NRDE2: variants seen among roughly 807,000 people sequenced by gnomAD.
NRDE2 encodes NRDE-2, necessary for RNA interference, domain containing, also known as nuclear exosome regulator NRDE2.
Under a neutral mutation model 124.2 loss-of-function variants are expected in NRDE2, and 76 were observed. The observed-to-expected ratio is 0.61, with a 90% CI of 0.51 to 0.74. NRDE2 has a LOEUF of 0.74. NRDE2 is among the 30% of genes least tolerant of loss of function. NRDE2 has a pLI of 0.00. For missense variants in NRDE2, 1,314 were observed against 1,417.3 expected, an observed-to-expected ratio of 0.93 and a Z score of 1.17; for synonymous variants, 489 against 528.1, an observed-to-expected ratio of 0.93 and a Z score of 1.01.
At chr14:90,285,429 G>A (rs1390277419) in intron 12 of NRDE2, among the ~76,000 whole-genome samples, 3 of 151,116 alleles carry the variant, frequency 2.0e-5, no homozygotes, top group Non-Finnish European at 2.9e-5. Flanking sequence ...AGCCTCCCAG[G>A]TGGCTGGGAT....
chr14:90,294,536 A>G (rs1479801268), intron 8 of NRDE2, among the ~76,000 whole-genome samples: 1 of 152,228 alleles, frequency 6.6e-6, no homozygotes, highest in Admixed American at 6.5e-5. Flanking sequence ...CTGGCGTGAC[A>G]TGGATGAACC....
chr14:90,290,690 T>A, intron 9 of NRDE2, 83 bp from the exon 10 acceptor site: 1 of 1,384,076 alleles, frequency 7.2e-7, no homozygotes, highest in South Asian at 1.4e-5. Context: ...ATGCATGTAC[T>A]AATGGTTCAA....
chr14:90,297,580 A>G (rs957928335), intron 8 of NRDE2, among the ~76,000 whole-genome samples: 2 of 152,184 alleles, frequency 1.3e-5, no homozygotes, highest in Non-Finnish European at 2.9e-5. Context: ...GGTATTTTTC[A>G]AAGTATCTGT....
At chr14:90,296,820 T>C (rs1451334942) in intron 8 of NRDE2, among the ~76,000 whole-genome samples, 1 of 152,168 alleles carries the variant, frequency 6.6e-6, no homozygotes, top group Admixed American at 6.5e-5. Flanking sequence ...TCACCATTAA[T>C]ATGTGGCTAT....
chr14:90,292,732 GCTT>G lies in NRDE2; in HGVS notation c.1804_1806del (p.Lys602del), dbSNP rs1285456213. The G allele has an allele frequency of 6.2e-7, 1 of 1,614,092 alleles. No individual in the cohort carries two copies. The highest frequency in any genetic ancestry group is 8.5e-7 in the Non-Finnish European group (1 of 1,180,026). On this transcript the variant is annotated inframe_deletion, in exon 9 of 14. Coordinates refer to ENST00000354366, the MANE Select transcript of NRDE2 (RefSeq NM_017970.4). Reference sequence around the variant, plus strand: ...GGATCCTCACAGTCTTCCTCGGTTTGCTTCTTGGTCTTATCAGGGCGCCAGGGC... The same window carrying G: ...GGATCCTCACAGTCTTCCTCGGTTTGCTTGGTCTTATCAGGGCGCCAGGGC...
At chr14:90,303,793 G>A in intron 5 of NRDE2, 142 bp downstream of exon 5, 1 of 745,198 alleles carries the variant, frequency 1.3e-6, no homozygotes, top group East Asian at 2.6e-5. Context: ...AGCGAGCTCA[G>A]GGCAAAGGCT....
In NRDE2 at chr14:90,275,481, A is replaced by G. The variant is rs1891784691; in HGVS notation, c.*2855T>C. 6.6e-6 allele frequency: 1 copy of G among 152,146 alleles called. No homozygotes were observed. The allele number at this position is 152,146 out of a possible 1,614,324, so 9.4% of individuals were successfully genotyped here. A position where few individuals can be genotyped will look rare whatever the true frequency, so the allele number is the denominator to read the frequency against. On this transcript the variant is annotated 3_prime_UTR_variant, in exon 14 of 14. Transcript: ENST00000354366. ...TGGTAATAGCTGAGCGTTTTCCTCTAGAGGGACAGTCTCCCTCATGTCAAT... is the reference window on the plus strand; with the variant it reads ...TGGTAATAGCTGAGCGTTTTCCTCTGGAGGGACAGTCTCCCTCATGTCAAT...
rs1891881323 is a variant in NRDE2 at position 90,279,055 on chromosome 14, C to T, written c.3369+7G>A. ...AAGCTGAAGACACCATGGCCTTTAA[C>T]ACTTACCTTTGCCCAAGGGCAATTC... On this transcript the variant is annotated splice_region_variant and intron_variant, in intron 13 of 13. Coordinates refer to ENST00000354366, the MANE Select transcript of NRDE2 (RefSeq NM_017970.4). The T allele has an allele frequency of 1.2e-6, 2 of 1,602,502 alleles. No individual in the cohort carries two copies. The highest frequency in any genetic ancestry group is 1.7e-6 in the Non-Finnish European group (2 of 1,169,384).
At chr14:90,312,809 T>C (rs1249323160) in intron 3 of NRDE2, among the ~76,000 whole-genome samples, 2 of 152,202 alleles carry the variant, frequency 1.3e-5, no homozygotes, top group East Asian at 3.8e-4. Flanking sequence ...AAAATTAACC[T>C]GAAGAATATA....
Position 90,274,835 on chromosome 14 carries a change from CA to C in NRDE2, c.*3500del, listed in dbSNP as rs770331196. 4,628 of 73,882 alleles carry C rather than the reference CA, an allele frequency of 0.063. 152 individuals carry two copies. Among genetic ancestry groups the C allele is most frequent in the East Asian group, 0.23 (620 of 2,674 alleles). The allele number at this position is 73,882 out of a possible 1,614,324, so 4.6% of individuals were successfully genotyped here. A position where few individuals can be genotyped will look rare whatever the true frequency, so the allele number is the denominator to read the frequency against. On this transcript the variant is annotated 3_prime_UTR_variant, in exon 14 of 14. Coordinates refer to ENST00000354366, the MANE Select transcript of NRDE2 (RefSeq NM_017970.4). ...ACACACACACACACACACACACACA[CA>C]CACCCCAATACATATGAATTGATCT...
In NRDE2 at chr14:90,270,318, T is replaced by C. The variant is rs1384989725; in HGVS notation, c.*8018A>G. 1.2e-6 allele frequency: 2 copies of C among 1,613,658 alleles called. No individual in the cohort carries two copies. The highest frequency in any genetic ancestry group is 1.7e-6 in the Non-Finnish European group (2 of 1,179,936). On this transcript the variant is annotated 3_prime_UTR_variant, in exon 14 of 14. Coordinates refer to ENST00000354366, the MANE Select transcript of NRDE2 (RefSeq NM_017970.4). ...GATGTAACCCTGGACGACCTGATCA[T>C]GGCTAAAGATGACCTCTCTGGTGCT...
chr14:90,269,588 T>G lies in NRDE2; in HGVS notation c.*8748A>C, dbSNP rs748138013. 6.9e-6 allele frequency: 11 copies of G among 1,597,234 alleles called. No individual in the cohort carries two copies. The South Asian group carries it at 1.2e-4, about 18-fold the overall frequency. On this transcript the variant is annotated 3_prime_UTR_variant, in exon 14 of 14. Coordinates refer to ENST00000354366, the MANE Select transcript of NRDE2 (RefSeq NM_017970.4). The stretch of plus-strand genomic sequence containing the variant: ...GGTTTCATCATGGAGATTAATGTGT[T>G]TATATATTTGTGTTTAAGTGTGCTT...
intron 1 of NRDE2, among the ~76,000 whole-genome samples, chr14:90,326,283 A>G (rs1184713393): frequency 6.6e-6 from 1 of 151,812 alleles, no homozygotes; most frequent in Non-Finnish European, 1.5e-5. Flanking sequence ...TCATGAGGTC[A>G]GGAGATCGAG....
At chr14:90,304,436 A>G in intron 4 of NRDE2, 54 bp from the exon 5 acceptor site, 1 of 1,371,220 alleles carries the variant, frequency 7.3e-7, no homozygotes, top group East Asian at 2.3e-5. Context: ...ACTACCTCTG[A>G]ATGACTAAAG....
rs10140761 is a variant in NRDE2 at position 90,274,244 on chromosome 14, G to T, written c.*4092C>A. 1 of 155,408 alleles carries T rather than the reference G, an allele frequency of 6.4e-6. No individual in the cohort carries two copies. The highest frequency in any genetic ancestry group is 6.5e-5 in the Admixed American group (1 of 15,274). The allele number at this position is 155,408 out of a possible 1,614,324, so 9.6% of individuals were successfully genotyped here. On this transcript the variant is annotated 3_prime_UTR_variant, in exon 14 of 14. Transcript: ENST00000354366. ...AGGGTGAGGCTGGCATCCGTGTGGG[G>T]TGTATGTGCAGGGCTGGGGTGGTCC... is the stretch of plus-strand genomic sequence containing the variant.
In NRDE2 at chr14:90,301,392, G is replaced by T. The variant is rs143838233; in HGVS notation, c.1412-20C>A. The stretch of plus-strand genomic sequence containing the variant: ...AGAGTGCTGCGAACAGGAGGGCAAA[G>T]GGGAAGAAGCCTGGTTGATACCGTT... On this transcript the variant is annotated intron_variant, in intron 6 of 13. Coordinates refer to ENST00000354366, the MANE Select transcript of NRDE2 (RefSeq NM_017970.4). 1.2e-5 allele frequency: 19 copies of T among 1,613,008 alleles called. No homozygotes were observed. In the Middle Eastern group the frequency reaches 5.0e-4, roughly 42 times the overall value.
chr14:90,289,356 A>G (rs1042234123), intron 10 of NRDE2, among the ~76,000 whole-genome samples: 3 of 152,232 alleles, frequency 2.0e-5, no homozygotes, highest in Admixed American at 6.5e-5. Flanking sequence ...CCAGGGTTCC[A>G]GCTGAAATCT....
In NRDE2 at chr14:90,331,845, C is replaced by T; in HGVS notation, c.60G>A (p.Arg20=). The T allele has an allele frequency of 6.2e-7, 1 of 1,614,126 alleles. No individual in the cohort carries two copies. Among genetic ancestry groups the T allele is most frequent in the South Asian group, 1.1e-5 (1 of 91,088 alleles). Residue 20 remains arginine (R), a synonymous_variant, in exon 1 of 14, where the codon AGG becomes AGA. Transcript: ENST00000354366. The stretch of plus-strand genomic sequence containing the variant: ...TCGGCTCGTTTGTGTGCTTACCTTT[C>T]CTGGAGCTCCCGCCATCGGGAGCCT... ...LSEAPDGGSS[R]KELDWLSNPS... is the part of the protein sequence containing the mutation.
Position 90,292,786 on chromosome 14 carries a change from G to A in NRDE2, c.1753C>T (p.Arg585Cys), listed in dbSNP as rs774836357. Residue 585 changes from arginine to cysteine, a missense_variant, in exon 9 of 14, where the codon CGT becomes TGT. Arg to Cys is a radical substitution (Grantham distance 180). Transcript: ENST00000354366. ...PRWQIWLAAE[R>C]SRDQRHWRPW... ...CGCCAGTGCCTCTGGTCACGGGAAC[G>A]CTCAGCAGCAAGCCAGATCTGCCAC... 2.5e-5 allele frequency: 40 copies of A among 1,614,074 alleles called. No individual in the cohort carries two copies. Among genetic ancestry groups the A allele is most frequent in the Middle Eastern group, 1.6e-4 (1 of 6,084 alleles).
Sources: gnomAD v4.1 joint callset for allele counts (sites outside exome capture counted in the v4.1 genomes callset) on GRCh38, gnomAD v4.1.1 for gene constraint, MANE v1.5 for transcripts, NCBI Gene and HGNC (gene_info 2026-07-23, HGNC 2026-07-21) for gene names.